The following RGS7 variants were observed in gnomAD, a reference collection of about 807,000 sequenced individuals.
RGS7 encodes the protein regulator of G-protein signaling 7.
RGS7 carries 27 observed loss-of-function variants against 81.1 expected under a neutral mutation model. The observed-to-expected ratio is 0.33, with a 90% CI of 0.25 to 0.46. RGS7 has a LOEUF of 0.46. Among genes scored for constraint, RGS7 ranks in the 20% least tolerant of loss-of-function variants. The pLI, the probability that RGS7 is intolerant of heterozygous loss-of-function variation, is 1.00. For missense variants in RGS7, 396 were observed against 607.4 expected, an observed-to-expected ratio of 0.65 and a Z score of 3.66; for synonymous variants, 208 against 207.7, an observed-to-expected ratio of 1.00 and a Z score of -0.01.
intron 6 of RGS7, among the ~76,000 whole-genome samples, chr1:240,911,766 C>T (rs1422315863): frequency 6.6e-6 from 1 of 152,082 alleles, no homozygotes; most frequent in Non-Finnish European, 1.5e-5. Flanking sequence ...CCAATCCCAG[C>T]TCAATTGTTT....
chr1:241,086,500 A>C (rs1426211233), intron 3 of RGS7, among the ~76,000 whole-genome samples: 1 of 151,660 alleles, frequency 6.6e-6, no homozygotes, highest in Non-Finnish European at 1.5e-5. Context: ...ATTTTTTCTT[A>C]AATCTCACTG....
chr1:241,338,223 A>T lies in RGS7; in HGVS notation c.78+17476T>A, dbSNP rs144864890. ...CCATGGTTAAGAATGTACAATTTCC[A>T]CCAAAGATAGTACCGAGGGGGGAAA... On this transcript the variant is annotated intron_variant, in intron 2 of 18. Transcript: ENST00000440928. Among the ~76,000 whole-genome samples, 1,446 of 152,302 alleles carry T rather than the reference A, an allele frequency of 9.5e-3. 28 individuals are homozygous for T. Among genetic ancestry groups the T allele is most frequent in the African/African-American group, 0.033 (1,370 of 41,564 alleles).
intron 6 of RGS7, among the ~76,000 whole-genome samples, chr1:240,922,560 A>G (rs1340366579): frequency 1.3e-5 from 2 of 152,092 alleles, no homozygotes; most frequent in Non-Finnish European, 2.9e-5. Context: ...GCAAAATATA[A>G]TATCTGAACA....
rs998087164 is a variant in RGS7, at chr1:241,107,015, GT to G, written c.79-8254del. Among the ~76,000 whole-genome samples the G allele has an allele frequency of 2.0e-5, 3 of 152,144 alleles. No homozygotes were observed. The East Asian group carries it at 5.8e-4, about 29-fold the overall frequency. ...CACTGTGTTTGTTGGGATTACTTGG[GT>G]TGACAGAATCCCAAATTCAATTGTC... is the stretch of plus-strand genomic sequence containing the variant. On this transcript the variant is annotated intron_variant, in intron 2 of 18. Transcript: ENST00000440928.
chr1:240,856,595 C>T (rs1037875937), intron 9 of RGS7, among the ~76,000 whole-genome samples: 22 of 151,838 alleles, frequency 1.4e-4, no homozygotes, highest in Admixed American at 5.9e-4. Flanking sequence ...ACAGGAATAA[C>T]GATATTTTAT....
At chr1:241,165,349 C>T (rs1441140541) in intron 2 of RGS7, among the ~76,000 whole-genome samples, 1 of 152,100 alleles carries the variant, frequency 6.6e-6, no homozygotes, top group Non-Finnish European at 1.5e-5. Context: ...TATTGCAGCA[C>T]TATTCACAAT....
Position 240,776,210 on chromosome 1 carries a change from TCCCCTGAGAAAATATATAAAA to T in RGS7, c.*7-18_*9del. The T allele has an allele frequency of 1.2e-6, 2 of 1,607,900 alleles. No individual in the cohort carries two copies. The highest frequency in any genetic ancestry group is 1.7e-6 in the Non-Finnish European group (2 of 1,174,444). ...GTTAACCTCTTGGACGTGAGAGATT[TCCCCTGAGAAAATATATAAAA>T]CAAGAGAAAAGAAAGAAAATCAAGT... On this transcript the variant is annotated splice_acceptor_variant and splice_polypyrimidine_tract_variant and 3_prime_UTR_variant and intron_variant, in exon 19 of 19. Coordinates refer to ENST00000440928, the MANE Select transcript of RGS7 (RefSeq NM_001364886.1). LOFTEE classifies it low-confidence loss of function (3UTR_SPLICE).
At chr1:241,199,446 A>C (rs929930326) in intron 2 of RGS7, among the ~76,000 whole-genome samples, 1 of 152,170 alleles carries the variant, frequency 6.6e-6, no homozygotes, top group South Asian at 2.1e-4. Flanking sequence ...TTATTTATTT[A>C]GTAAACAGTA....
chr1:240,781,753 G>A (rs1215832738), intron 18 of RGS7, among the ~76,000 whole-genome samples: 9 of 152,314 alleles, frequency 5.9e-5, no homozygotes, highest in Middle Eastern at 3.4e-3. Flanking sequence ...GGTGGCCCAC[G>A]CCTGTAATCC....
intron 2 of RGS7, among the ~76,000 whole-genome samples, chr1:241,181,755 G>A (rs934118073): frequency 3.9e-5 from 6 of 152,176 alleles, no homozygotes; most frequent in East Asian, 1.9e-4. Flanking sequence ...CTGGAGTGCA[G>A]TGGCATGATT....
At chr1:241,072,390 C>A (rs965502599) in intron 3 of RGS7, among the ~76,000 whole-genome samples, 2 of 152,116 alleles carry the variant, frequency 1.3e-5, no homozygotes, top group African/African-American at 2.4e-5. Flanking sequence ...CTGTCGCAGG[C>A]CATTTCACAT....
chr1:241,123,770 A>T (rs765273807), intron 2 of RGS7, among the ~76,000 whole-genome samples: 1 of 152,156 alleles, frequency 6.6e-6, no homozygotes, highest in Non-Finnish European at 1.5e-5. Flanking sequence ...AAAAGAAAAG[A>T]GAACATGGCT....
At chr1:240,994,301 T>C (rs1236782170) in intron 3 of RGS7, among the ~76,000 whole-genome samples, 1 of 152,230 alleles carries the variant, frequency 6.6e-6, no homozygotes, top group Non-Finnish European at 1.5e-5. Flanking sequence ...TTATTCTTCA[T>C]GGATTTGAAG....
At chr1:240,874,910 C>T (rs751775955) in intron 6 of RGS7, among the ~76,000 whole-genome samples, 16 of 151,842 alleles carry the variant, frequency 1.1e-4, no homozygotes, top group Non-Finnish European at 2.2e-4. Flanking sequence ...CGTGTTGTGG[C>T]GGGTGCCTGT....
chr1:240,931,919 C>T (rs1572829095), intron 5 of RGS7, among the ~76,000 whole-genome samples: 1 of 152,210 alleles, frequency 6.6e-6, no homozygotes, highest in Non-Finnish European at 1.5e-5. Flanking sequence ...CACCTGTCTC[C>T]TTATCAACCC....
At chr1:241,292,501 T>G (rs1182753533) in intron 2 of RGS7, among the ~76,000 whole-genome samples, 1 of 152,092 alleles carries the variant, frequency 6.6e-6, no homozygotes, top group Non-Finnish European at 1.5e-5. Flanking sequence ...CTGGTAGCAG[T>G]GGAGATTGGG....
intron 6 of RGS7, among the ~76,000 whole-genome samples, chr1:240,912,635 T>G (rs1295210018): frequency 3.9e-5 from 6 of 152,172 alleles, no homozygotes; most frequent in Admixed American, 2.6e-4. Context: ...TTGCTTCTTT[T>G]GCTGAGTTCA....
At chr1:241,104,658 G>A (rs1165687229) in intron 2 of RGS7, among the ~76,000 whole-genome samples, 1 of 151,766 alleles carries the variant, frequency 6.6e-6, no homozygotes, top group Non-Finnish European at 1.5e-5. Context: ...CACTATGCGT[G>A]ATAAAAGTAA....
At chr1:240,803,298 G>C (rs1688300983) in intron 15 of RGS7, among the ~76,000 whole-genome samples, 1 of 152,020 alleles carries the variant, frequency 6.6e-6, no homozygotes, top group Admixed American at 6.6e-5. Context: ...GACTTATATA[G>C]ATCACTAGAG....
Sources: allele counts gnomAD v4.1 joint callset (sites outside exome capture counted in the v4.1 genomes callset), GRCh38; gene constraint gnomAD v4.1.1; transcripts MANE v1.5; gene names NCBI Gene and HGNC (gene_info 2026-07-23, HGNC 2026-07-21).